Variants in TMEM87A observed in about 807,000 individuals in gnomAD.
TMEM87A encodes Golgi-pH regulating cation channel.
In TMEM87A, 50 loss-of-function variants were observed where a neutral mutation model predicts 90.0. That is an observed-to-expected ratio of 0.56 (90% CI 0.44 to 0.70). The LOEUF (loss-of-function observed/expected upper bound fraction) is 0.70. Ranked by LOEUF, TMEM87A falls within the 30% of genes least tolerant of loss-of-function variation. The pLI, the probability that TMEM87A is intolerant of heterozygous loss-of-function variation, is 0.00. For missense variants in TMEM87A, 577 were observed against 660.5 expected (o/e 0.87, Z 1.39); for synonymous variants, 226 against 226.7 (o/e 1.00, Z 0.03).
In TMEM87A at chr15:42,218,396, CCACT is replaced by C. The variant is rs2050417008; in HGVS notation, c.1540-22_1540-19del. The C allele has an allele frequency of 2.5e-6, 4 of 1,612,114 alleles. No individual in the cohort carries two copies. In the African/African-American group the frequency reaches 5.3e-5, roughly 22 times the overall value. On this transcript the variant is annotated intron_variant, in intron 17 of 19. Coordinates refer to ENST00000389834, the MANE Select transcript of TMEM87A (RefSeq NM_015497.5). ...TCTTCCTGCTGGGAACATACAAATA[CCACT>C]CATTACTAAAATGCACCACATAATA... is the stretch of plus-strand genomic sequence containing the variant.
intron 2 of TMEM87A, among the ~76,000 whole-genome samples, chr15:42,268,879 A>T (rs1222016056): frequency 3.3e-5 from 5 of 152,248 alleles, no homozygotes; most frequent in Non-Finnish European, 5.9e-5. Flanking sequence ...TGATATACAT[A>T]ATAGTTCCAC....
intron 15 of TMEM87A, chr15:42,224,653 A>C (rs2050556915): frequency 6.6e-6 from 1 of 152,232 alleles, no homozygotes; most frequent in Non-Finnish European, 1.5e-5. Context: ...TCAAACTGGA[A>C]ATATCCCAAA....
chr15:42,243,336 G>A (rs1417442174), intron 7 of TMEM87A, among the ~76,000 whole-genome samples: 7 of 150,444 alleles, frequency 4.7e-5, no homozygotes, highest in Non-Finnish European at 1.0e-4. Context: ...AGCAGGGGAG[G>A]AAAGGAAATT....
At chr15:42,237,729 T>G in intron 8 of TMEM87A, 114 bp from the exon 9 acceptor site, 1 of 919,528 alleles carries the variant, frequency 1.1e-6, no homozygotes, top group South Asian at 2.4e-5. Context: ...GGATTTGCTA[T>G]GTTGCCTAGG....
At chr15:42,215,923 G>GA (rs2050376417) in intron 19 of TMEM87A, among the ~76,000 whole-genome samples, 1 of 152,150 alleles carries the variant, frequency 6.6e-6, no homozygotes, top group Admixed American at 6.5e-5. Flanking sequence ...ATCTCAAAGA[G>GA]AAATGTGCAC....
chr15:42,265,215 A>T (rs1395175427), intron 3 of TMEM87A, among the ~76,000 whole-genome samples: 2 of 152,126 alleles, frequency 1.3e-5, no homozygotes, highest in Non-Finnish European at 2.9e-5. Flanking sequence ...ATTACTTTGG[A>T]TATATACCCA....
intron 2 of TMEM87A, among the ~76,000 whole-genome samples, chr15:42,270,651 GA>G (rs1300579730): frequency 1.3e-5 from 2 of 152,028 alleles, no homozygotes; most frequent in South Asian, 2.1e-4. Context: ...AACTACACGA[GA>G]AAAAAAGACT....
chr15:42,258,205 T>C (rs890676526), intron 6 of TMEM87A: 43 of 957,114 alleles, frequency 4.5e-5, no homozygotes, highest in South Asian at 1.5e-4. Flanking sequence ...ACTGACGACA[T>C]GTCCATGTTA....
intron 4 of TMEM87A, among the ~76,000 whole-genome samples, chr15:42,262,669 G>T (rs139908282): frequency 0.067 from 10,203 of 151,942 alleles, 519 homozygotes; most frequent in Non-Finnish European, 0.096. Flanking sequence ...CGCCCACCTC[G>T]GCCTCCCAAA....
intron 15 of TMEM87A, 112 bp downstream of exon 15, chr15:42,226,694 C>A (rs2050601200): frequency 1.2e-6 from 1 of 864,976 alleles, no homozygotes; most frequent in South Asian, 1.6e-5. Context: ...ATTCCAGGCC[C>A]AGTGTTCCTT....
intron 2 of TMEM87A, among the ~76,000 whole-genome samples, chr15:42,270,568 T>C (rs1008747043): frequency 1.3e-5 from 2 of 152,000 alleles, no homozygotes; most frequent in Non-Finnish European, 2.9e-5. Context: ...TGCACTCCAG[T>C]CTGGGTGACA....
chr15:42,219,219 T>C (rs936858156), intron 17 of TMEM87A, among the ~76,000 whole-genome samples: 4 of 152,182 alleles, frequency 2.6e-5, no homozygotes, highest in African/African-American at 4.8e-5. Flanking sequence ...TGTTAAGAAA[T>C]GTATATTCAG....
At chr15:42,215,393 T>C (rs767701715) in intron 19 of TMEM87A, among the ~76,000 whole-genome samples, 10 of 152,064 alleles carry the variant, frequency 6.6e-5, no homozygotes, top group Non-Finnish European at 1.3e-4. Context: ...CCCAGCTACT[T>C]GGGAGGCTGA....
chr15:42,225,812 C>T (rs1412800129), intron 15 of TMEM87A, among the ~76,000 whole-genome samples: 3 of 152,174 alleles, frequency 2.0e-5, no homozygotes, highest in Admixed American at 6.5e-5. Flanking sequence ...GCTGGGATTA[C>T]AGGCATGAGC....
chr15:42,250,805 T>C (rs1238524645), intron 6 of TMEM87A, among the ~76,000 whole-genome samples: 1 of 152,206 alleles, frequency 6.6e-6, no homozygotes, highest in East Asian at 1.9e-4. Context: ...GTGGGGGAAG[T>C]TCTCCTAGAT....
chr15:42,264,149 C>T lies in TMEM87A; in HGVS notation c.346G>A (p.Gly116Arg), dbSNP rs751756667. 4 of 1,613,836 alleles carry T rather than the reference C, an allele frequency of 2.5e-6. No homozygotes were observed. Among genetic ancestry groups the T allele is most frequent in the Non-Finnish European group, 3.4e-6 (4 of 1,179,886 alleles). The change falls in exon 4 of 20, where the codon GGG (glycine) becomes AGG (arginine). Residue 116 changes from glycine (G) to arginine (R), a missense_variant. By Grantham distance (125) the Gly-to-Arg change is moderately radical (BLOSUM62 -2). Coordinates refer to ENST00000389834, the MANE Select transcript of TMEM87A (RefSeq NM_015497.5). ...AATTTTGATGATGTTTGATATTTCC[C>T]AGACAAGCCTCTTTTTTCCTTAAGT... ...EKLKEKRGLS[G>R]KYQTSSKLFQ... is the part of the protein sequence containing the mutation.
At chr15:42,219,820 A>G (rs1052292478) in intron 16 of TMEM87A, among the ~76,000 whole-genome samples, 178 bp from the exon 17 acceptor site, 2 of 152,118 alleles carry the variant, frequency 1.3e-5, no homozygotes, top group Non-Finnish European at 2.9e-5. Context: ...CCATCTTTAT[A>G]TGTAAGCTGG....
At position 42,237,532 on chromosome 15, in the gene TMEM87A, C is replaced by G; in HGVS notation, c.768G>C (p.Leu256=). The G allele has an allele frequency of 6.2e-7, 1 of 1,614,120 alleles. No individual in the cohort carries two copies. The highest frequency in any genetic ancestry group is 8.5e-7 in the Non-Finnish European group (1 of 1,180,036). ...AWSACYWRDL[L]RIQFWIGAVI... ...CAGCACCAATCCAAAACTGAATTCT[C>G]AGGAGATCTCTCCAGTAGCAGGCAG... is the stretch of plus-strand genomic sequence containing the variant. The change falls in exon 9 of 20, where the codon CTG becomes CTC. Residue 256 remains leucine (L), a synonymous_variant. Coordinates refer to ENST00000389834, the MANE Select transcript of TMEM87A (RefSeq NM_015497.5).
intron 6 of TMEM87A, among the ~76,000 whole-genome samples, chr15:42,249,853 A>G (rs1031302959): frequency 5.3e-5 from 8 of 152,032 alleles, no homozygotes; most frequent in Non-Finnish European, 1.0e-4. Flanking sequence ...TCATTGATCT[A>G]ATATTGACAG....
Sources: gnomAD v4.1 joint callset for allele counts (sites outside exome capture counted in the v4.1 genomes callset) on GRCh38, gnomAD v4.1.1 for gene constraint, MANE v1.5 for transcripts, NCBI Gene and HGNC (gene_info 2026-07-23, HGNC 2026-07-21) for gene names.